The following HSD17B12 variants were observed in gnomAD, a reference collection of about 807,000 sequenced individuals.
HSD17B12 encodes very-long-chain 3-oxoacyl-CoA reductase.
HSD17B12 carries 32 observed loss-of-function variants against 39.3 expected under a neutral mutation model. The ratio of observed to expected loss-of-function variants is 0.81; its 90% CI spans 0.61 to 1.09. The LOEUF is 1.09. Among genes scored for constraint, HSD17B12 ranks in the 50% least tolerant of loss-of-function variants. The pLI is 0.00. For missense variants in HSD17B12, 342 were observed against 382.9 expected, an observed-to-expected ratio of 0.89 and a Z score of 0.89; for synonymous variants, 150 against 146.7, an observed-to-expected ratio of 1.02 and a Z score of -0.16.
intron 6 of HSD17B12, among the ~76,000 whole-genome samples, chr11:43,817,026 ATC>A (rs1565099980): frequency 0.064 from 1,522 of 23,912 alleles, 65 homozygotes; most frequent in African/African-American, 0.13. Flanking sequence ...CTATATCTAT[ATC>A]TATATCTATA....
intron 1 of HSD17B12, among the ~76,000 whole-genome samples, chr11:43,683,532 G>A (rs1393345665): frequency 1.3e-5 from 2 of 152,124 alleles, no homozygotes; most frequent in African/African-American, 4.8e-5. Flanking sequence ...TTGGAGGGGT[G>A]AACTGAAATA....
chr11:43,760,837 T>C (rs1346395663), intron 3 of HSD17B12, among the ~76,000 whole-genome samples: 1 of 152,208 alleles, frequency 6.6e-6, no homozygotes, highest in African/African-American at 2.4e-5. Flanking sequence ...AGAGAGTTAA[T>C]CTCATATAGC....
the HSD17B12 span, chr11:43,576,480 C>T: frequency 1.3e-5 from 2 of 152,112 alleles, no homozygotes; most frequent in Non-Finnish European, 2.9e-5. Flanking sequence ...TGGACATCAC[C>T]GCATTCCTCC....
chr11:43,792,993 G>A (rs1248214739), intron 3 of HSD17B12, among the ~76,000 whole-genome samples: 1 of 152,154 alleles, frequency 6.6e-6, no homozygotes, highest in African/African-American at 2.4e-5. Flanking sequence ...ACATTGAGCA[G>A]AATGACCTCT....
At chr11:43,623,935 G>A in the HSD17B12 span, among the ~76,000 whole-genome samples, 1 of 151,876 alleles carries the variant, frequency 6.6e-6, no homozygotes. Flanking sequence ...TAAAAAAACA[G>A]AAACAAAAAC....
At chr11:43,758,729 C>T (rs1950532465) in intron 3 of HSD17B12, among the ~76,000 whole-genome samples, 1 of 152,182 alleles carries the variant, frequency 6.6e-6, no homozygotes. Context: ...TTAGCACAGT[C>T]TTTGTACTCA....
At chr11:43,671,486 C>T in the HSD17B12 span, among the ~76,000 whole-genome samples, 37 of 152,324 alleles carry the variant, frequency 2.4e-4, no homozygotes, top group Admixed American at 7.2e-4. Context: ...TGGCCCCTTT[C>T]ACACGGTTTT....
chr11:43,674,969 T>C, the HSD17B12 span, among the ~76,000 whole-genome samples: 2 of 152,340 alleles, frequency 1.3e-5, no homozygotes, highest in African/African-American at 4.8e-5. Flanking sequence ...ATATAATTAG[T>C]TGGAAGTTTG....
the HSD17B12 span, among the ~76,000 whole-genome samples, chr11:43,561,257 G>C: frequency 6.6e-6 from 1 of 152,208 alleles, no homozygotes; most frequent in African/African-American, 2.4e-5. Flanking sequence ...GCTGCTTCTT[G>C]TTTGTCTCAC....
At chr11:43,705,366 A>G (rs1346009808) in intron 1 of HSD17B12, among the ~76,000 whole-genome samples, 3 of 152,154 alleles carry the variant, frequency 2.0e-5, no homozygotes, top group African/African-American at 7.2e-5. Context: ...GGAATATTGG[A>G]TTTTCAATTA....
intron 1 of HSD17B12, among the ~76,000 whole-genome samples, chr11:43,721,471 T>G (rs1339696535): frequency 6.6e-6 from 1 of 151,978 alleles, no homozygotes; most frequent in Non-Finnish European, 1.5e-5. Context: ...ACAAAAACAT[T>G]GGCTGGGCAT....
the HSD17B12 span, among the ~76,000 whole-genome samples, chr11:43,611,656 G>A: frequency 1.3e-5 from 2 of 152,222 alleles, no homozygotes; most frequent in Non-Finnish European, 2.9e-5. Context: ...GTTCTGGTCA[G>A]GCGCAGGTGA....
chr11:43,780,842 T>C (rs1039117204), intron 3 of HSD17B12, among the ~76,000 whole-genome samples: 1 of 152,222 alleles, frequency 6.6e-6, no homozygotes, highest in African/African-American at 2.4e-5. Context: ...TGACCTTAAC[T>C]AGAATATATG....
At chr11:43,758,125 A>T (rs1022391401) in intron 3 of HSD17B12, among the ~76,000 whole-genome samples, 8 of 152,218 alleles carry the variant, frequency 5.3e-5, no homozygotes, top group African/African-American at 1.9e-4. Context: ...CAACTATATG[A>T]ACTAAACATT....
rs553396960 is a variant in HSD17B12 at position 43,731,963 on chromosome 11, G to A, written c.161-18948G>A. Among the ~76,000 whole-genome samples the A allele has an allele frequency of 1.3e-5, 2 of 152,268 alleles. 1 individual carries two copies. Among genetic ancestry groups the A allele is most frequent in the South Asian group, 4.1e-4 (2 of 4,820 alleles). On this transcript the variant is annotated intron_variant, in intron 1 of 10. Coordinates refer to ENST00000278353, the MANE Select transcript of HSD17B12 (RefSeq NM_016142.3). ...CAAAAACCTTTACTGTGCTTCCTCT[G>A]TAGACTGGCCAGAACCACTCTATAT...
the HSD17B12 span, among the ~76,000 whole-genome samples, chr11:43,612,985 C>T: frequency 3.9e-5 from 6 of 152,086 alleles, no homozygotes; most frequent in Non-Finnish European, 8.8e-5. Flanking sequence ...CCAGTGTAGC[C>T]TAAGTATAGT....
chr11:43,727,137 A>G (rs556041869), intron 1 of HSD17B12, among the ~76,000 whole-genome samples: 2 of 152,342 alleles, frequency 1.3e-5, no homozygotes, highest in South Asian at 4.1e-4. Context: ...ATACTCAGAT[A>G]GCATATGGTA....
chr11:43,765,650 T>A (rs904250868), intron 3 of HSD17B12, among the ~76,000 whole-genome samples: 3 of 152,148 alleles, frequency 2.0e-5, no homozygotes, highest in Non-Finnish European at 4.4e-5. Context: ...CTGTCTTTAG[T>A]TTTTATTTGA....
At chr11:43,568,448 A>G in the HSD17B12 span, among the ~76,000 whole-genome samples, 1 of 152,132 alleles carries the variant, frequency 6.6e-6, no homozygotes, top group Non-Finnish European at 1.5e-5. Flanking sequence ...GAGGCAATTA[A>G]TTACATGGCA....
Sources: allele counts gnomAD v4.1 joint callset (sites outside exome capture counted in the v4.1 genomes callset), GRCh38; gene constraint gnomAD v4.1.1; transcripts MANE v1.5; gene names NCBI Gene and HGNC (gene_info 2026-07-23, HGNC 2026-07-21).